Variants in EPSTI1 observed in about 807,000 individuals in gnomAD.
EPSTI1 encodes epithelial stromal interaction 1.
In EPSTI1, 66 loss-of-function variants were observed where a neutral mutation model predicts 49.9. The ratio of observed to expected loss-of-function variants is 1.32; its 90% CI spans 1.08 to 1.62. The LOEUF (loss-of-function observed/expected upper bound fraction) is 1.62, where lower values mean the gene tolerates loss of function less well. Among genes scored for constraint, EPSTI1 ranks in the 40% most tolerant of loss-of-function variants. The pLI, the probability that EPSTI1 is intolerant of heterozygous loss-of-function variation, is 0.00. For synonymous variants in EPSTI1, 137 were observed against 130.7 expected (o/e 1.05, Z -0.33); for missense variants, 394 against 365.5 (o/e 1.08, Z -0.64).
intron 1 of EPSTI1, among the ~76,000 whole-genome samples, chr13:42,987,003 G>A (rs1045980237): frequency 2.2e-4 from 34 of 151,992 alleles, no homozygotes; most frequent in African/African-American, 7.5e-4. Context: ...GATGCCTTAC[G>A]CATCTCTTCC....
chr13:42,891,536 T>C (rs1349309267), intron 10 of EPSTI1, among the ~76,000 whole-genome samples: 1 of 152,238 alleles, frequency 6.6e-6, no homozygotes, highest in East Asian at 1.9e-4. Flanking sequence ...TTTGGTTTAA[T>C]TCTTTTTGAA....
rs1233908204 is a variant in EPSTI1 at position 42,991,993 on chromosome 13, T to G, written c.173A>C (p.His58Pro). The G allele has an allele frequency of 3.1e-6, 5 of 1,613,208 alleles. No individual in the cohort carries two copies. In the African/African-American group the frequency reaches 6.7e-5, roughly 22 times the overall value. The stretch of plus-strand genomic sequence containing the variant: ...AAATACTCACCGCCTCTGGCCCGCG[T>G]GCACGACGCTCTCCCGCGAAGGGCC... Reference protein sequence around the residue: ...PKGPSRESVVHAGQRRTSAYT... With the variant: ...PKGPSRESVVPAGQRRTSAYT... The change falls in exon 1 of 11, where the codon CAC becomes CCC. Residue 58 changes from histidine (H) to proline (P), a missense_variant. His to Pro is a moderately conservative substitution (Grantham distance 77, BLOSUM62 -2). Coordinates refer to ENST00000313624, the MANE Select transcript of EPSTI1 (RefSeq NM_033255.5).
intron 1 of EPSTI1, among the ~76,000 whole-genome samples, chr13:42,982,316 G>C (rs1485457413): frequency 1.3e-5 from 2 of 152,186 alleles, no homozygotes; most frequent in Non-Finnish European, 2.9e-5. Flanking sequence ...AGTTACCCTA[G>C]ATGGTCTAAA....
intron 7 of EPSTI1, among the ~76,000 whole-genome samples, chr13:42,919,021 A>G (rs1372720620): frequency 6.6e-6 from 1 of 152,206 alleles, no homozygotes; most frequent in African/African-American, 2.4e-5. Context: ...GACAGCTTCT[A>G]CTCAAGATAT....
chr13:42,946,179 G>T (rs187206000), intron 6 of EPSTI1, among the ~76,000 whole-genome samples: 1 of 152,288 alleles, frequency 6.6e-6, no homozygotes, highest in Non-Finnish European at 1.5e-5. Context: ...TGGATTCTCA[G>T]CTCTAGGAGA....
intron 7 of EPSTI1, among the ~76,000 whole-genome samples, chr13:42,919,671 T>C (rs970792598): frequency 6.6e-5 from 10 of 152,162 alleles, no homozygotes; most frequent in Non-Finnish European, 1.3e-4. Context: ...GGTGATATGA[T>C]AGAGGAAGCC....
At chr13:42,942,522 C>G (rs1413317808) in intron 6 of EPSTI1, among the ~76,000 whole-genome samples, 1 of 151,976 alleles carries the variant, frequency 6.6e-6, no homozygotes, top group African/African-American at 2.4e-5. Context: ...CTATCAATCT[C>G]TGGAATTGAT....
At chr13:42,978,998 C>T (rs1410257968) in intron 1 of EPSTI1, among the ~76,000 whole-genome samples, 1 of 152,078 alleles carries the variant, frequency 6.6e-6, no homozygotes. Context: ...ATAATAAGGA[C>T]CACTGCATGA....
At chr13:42,934,790 C>A in intron 6 of EPSTI1, 1 of 198,762 alleles carries the variant, frequency 5.0e-6, no homozygotes, top group South Asian at 1.1e-4. Flanking sequence ...CAGGAAAGCT[C>A]CAAATCTACC....
At chr13:42,948,449 GT>G (rs1463817083) in intron 6 of EPSTI1, among the ~76,000 whole-genome samples, 2 of 130,908 alleles carry the variant, frequency 1.5e-5, no homozygotes, top group African/African-American at 5.8e-5. Flanking sequence ...TTTGCTGTTT[GT>G]TTGTTTTTTG....
At chr13:42,912,740 T>G (rs113438641) in intron 8 of EPSTI1, among the ~76,000 whole-genome samples, 2 of 152,060 alleles carry the variant, frequency 1.3e-5, no homozygotes, top group African/African-American at 4.8e-5. Flanking sequence ...ATATTCAATA[T>G]GTGCCAAATA....
intron 3 of EPSTI1, among the ~76,000 whole-genome samples, chr13:42,964,903 C>A (rs192416893): frequency 1.9e-4 from 29 of 152,282 alleles, no homozygotes; most frequent in African/African-American, 7.0e-4. Flanking sequence ...TGAAATAATT[C>A]TCTGGTGCTT....
chr13:42,928,843 C>A (rs568280350), intron 6 of EPSTI1, among the ~76,000 whole-genome samples: 2 of 152,292 alleles, frequency 1.3e-5, no homozygotes, highest in South Asian at 4.1e-4. Context: ...GTGTTGAATG[C>A]CACATCCAGT....
chr13:42,986,619 C>T (rs1415910969), intron 1 of EPSTI1, among the ~76,000 whole-genome samples: 1 of 151,934 alleles, frequency 6.6e-6, no homozygotes, highest in East Asian at 1.9e-4. Context: ...GTGGCACATG[C>T]CTGTAATCCC....
intron 5 of EPSTI1, among the ~76,000 whole-genome samples, chr13:42,962,688 G>A (rs79525409): frequency 0.012 from 1,788 of 151,970 alleles, 33 homozygotes; most frequent in South Asian, 0.09. Context: ...GCTGAGGTGG[G>A]AGGACTGCCT....
intron 9 of EPSTI1, among the ~76,000 whole-genome samples, chr13:42,899,790 A>C (rs866962670): frequency 2.6e-5 from 4 of 152,146 alleles, no homozygotes; most frequent in South Asian, 2.1e-4. Flanking sequence ...CTTAAGTCTG[A>C]TATTAGGATT....
intron 6 of EPSTI1, among the ~76,000 whole-genome samples, chr13:42,931,226 T>G: frequency 7.5e-6 from 1 of 133,566 alleles, no homozygotes; most frequent in African/African-American, 2.9e-5. Context: ...TGAGACGGAG[T>G]CTCGCTCTGT....
intron 1 of EPSTI1, among the ~76,000 whole-genome samples, chr13:42,987,726 G>A (rs2040111233): frequency 1.3e-5 from 2 of 152,120 alleles, no homozygotes; most frequent in African/African-American, 4.8e-5. Flanking sequence ...ATTAATAAAT[G>A]TCTGTCCCAT....
At chr13:42,974,637 C>T (rs1487582755) in intron 1 of EPSTI1, among the ~76,000 whole-genome samples, 5 of 148,402 alleles carry the variant, frequency 3.4e-5, no homozygotes, top group Admixed American at 2.7e-4. Context: ...CCCGCCTGGG[C>T]GACAGAGCAA....
Sources: allele counts gnomAD v4.1 joint callset (sites outside exome capture counted in the v4.1 genomes callset), GRCh38; gene constraint gnomAD v4.1.1; transcripts MANE v1.5; gene names NCBI Gene and HGNC (gene_info 2026-07-23, HGNC 2026-07-21).